TRIM50: variants seen among roughly 807,000 people sequenced by gnomAD.
TRIM50 encodes tripartite motif containing 50.
A neutral mutation model predicts 44.9 loss-of-function variants in TRIM50; 34 were observed. The ratio of observed to expected loss-of-function variants is 0.76; its 90% CI spans 0.58 to 1.01. TRIM50 has a LOEUF of 1.01. TRIM50 is among the 50% of genes least tolerant of loss of function. The pLI, the probability that TRIM50 is intolerant of heterozygous loss-of-function variation, is 0.00. For synonymous variants in TRIM50, 307 were observed against 291.1 expected, an observed-to-expected ratio of 1.05 and a Z score of -0.56; for missense variants, 633 against 663.7, an observed-to-expected ratio of 0.95 and a Z score of 0.51.
Position 73,318,970 on chromosome 7 carries a change from C to G in TRIM50, c.578G>C (p.Cys193Ser), listed in dbSNP as rs1804428015. The part of the protein sequence containing the change: ...HHLVDEEKAR[C>S]LEGIGGHTRG... ...GGTGTGACCCCCTATCCCCTCCAGG[C>G]AGCGGGCCTTCTCCTCATCCACCAG... The change falls in exon 4 of 7, where the codon TGC becomes TCC. Residue 193 changes from cysteine (C) to serine (S), a missense_variant. Coordinates refer to ENST00000333149, the MANE Select transcript of TRIM50 (RefSeq NM_178125.3). The G allele has an allele frequency of 1.2e-6, 2 of 1,613,914 alleles. No individual in the cohort carries two copies. Among genetic ancestry groups the G allele is most frequent in the East Asian group, 2.2e-5 (1 of 44,900 alleles).
Position 73,313,632 on chromosome 7 carries a change from GC to G in TRIM50, c.875-123del. The G allele has an allele frequency of 1.2e-6, 1 of 802,986 alleles. No homozygotes were observed. The highest frequency in any genetic ancestry group is 1.9e-5 in the South Asian group (1 of 53,928). 49.7% of individuals were successfully genotyped at this position (802,986 alleles called of 1,614,324 possible). On this transcript the variant is annotated intron_variant, in intron 6 of 6. Transcript: ENST00000333149. This position sits in a 1 kb window ranked among gnomAD's most constrained non-coding sequence, Gnocchi z 4.9. ...GGGCTGTGTCTTCCTCATCTCTCTA[GC>G]CCCAGGGTCTAGAAGGGGCCAGTAC...
Position 73,324,510 on chromosome 7 carries a change from C to T in TRIM50, c.278G>A (p.Arg93Gln), listed in dbSNP as rs138667864. 37 of 1,613,914 alleles carry T rather than the reference C, an allele frequency of 2.3e-5. No individual in the cohort carries two copies. The East Asian group carries it at 3.3e-4, about 15-fold the overall frequency. The change falls in exon 2 of 7, where the codon CGG (arginine) becomes CAG (glutamine). Residue 93 changes from arginine (R) to glutamine (Q), a missense_variant. Coordinates refer to ENST00000333149, the MANE Select transcript of TRIM50 (RefSeq NM_178125.3). ...CTCGCAGAAAAGGCTGAGCGGGTTC[C>T]GGTGGTGCACGCAGACCTTGGGCTC... ...DPEPKVCVHH[R>Q]NPLSLFCEKD...
Position 73,319,019 on chromosome 7 carries a change from G to C in TRIM50, c.529C>G (p.Arg177Gly). 6.2e-7 allele frequency: 1 copy of C among 1,613,978 alleles called. No individual in the cohort carries two copies. The highest frequency in any genetic ancestry group is 8.5e-7 in the Non-Finnish European group (1 of 1,179,864). The change falls in exon 4 of 7, where the codon CGC becomes GGC. Residue 177 changes from arginine (R) to glycine (G), a missense_variant. Arg to Gly is a moderately radical substitution (Grantham distance 125). Coordinates refer to ENST00000333149, the MANE Select transcript of TRIM50 (RefSeq NM_178125.3). ...ESDVFSWVIR[R>G]EFQELHHLVD... ...AGGTGGTGCAGCTCCTGGAACTCGCGGCGGATCACCCAGCTGAAGACATCC... is the reference window on the plus strand; with the variant it reads ...AGGTGGTGCAGCTCCTGGAACTCGCCGCGGATCACCCAGCTGAAGACATCC...
intron 5 of TRIM50, 87 bp downstream of exon 5, chr7:73,318,600 G>A: frequency 1.9e-6 from 3 of 1,611,510 alleles, no homozygotes; most frequent in Non-Finnish European, 2.5e-6. Context: ...GGAGGCGCTG[G>A]TTAAACCGAA....
At chr7:73,320,022 G>C (rs551721944) in intron 3 of TRIM50, 125 bp downstream of exon 3, 177 of 1,527,982 alleles carry the variant, frequency 1.2e-4, no homozygotes, top group Non-Finnish European at 1.5e-4. Flanking sequence ...CCCGCCCTGG[G>C]AATGCTTTGA....
At chr7:73,315,312 T>A (rs1804330359) in intron 6 of TRIM50, 1 of 151,168 alleles carries the variant, frequency 6.6e-6, no homozygotes. Context: ...GATTCACAGT[T>A]CACAAACTGC....
chr7:73,316,533 C>T (rs1804362387), intron 6 of TRIM50, 32 bp downstream of exon 6: 1 of 1,612,398 alleles, frequency 6.2e-7, no homozygotes, highest in East Asian at 2.2e-5. Context: ...TGGGCGGCAG[C>T]CCTCAGGAAG....
intron 6 of TRIM50, chr7:73,314,853 A>G (rs1462322222): frequency 1.0e-5 from 2 of 195,292 alleles, no homozygotes; most frequent in African/African-American, 2.4e-5. Flanking sequence ...CTCAAAAAAA[A>G]AAAAAAAAAA....
chr7:73,318,271 G>A (rs1281499115), intron 5 of TRIM50, among the ~76,000 whole-genome samples: 5 of 152,136 alleles, frequency 3.3e-5, no homozygotes, highest in African/African-American at 1.2e-4. Context: ...GGGGACTATA[G>A]GCACATGACA....
chr7:73,325,899 GT>G (rs1352363774), intron 1 of TRIM50, among the ~76,000 whole-genome samples: 1 of 146,034 alleles, frequency 6.8e-6, no homozygotes, highest in Non-Finnish European at 1.5e-5. Flanking sequence ...GGGCTGGGGG[GT>G]GGGGAAAGAC....
At position 73,313,841 on chromosome 7, in the gene TRIM50, C is replaced by T. The variant is rs1261962546; in HGVS notation, c.875-331G>A. ...GCTGGAGAAAGAAATGGACACTGGG[C>T]TCGGGGTTCTGGCCTGCCTGCCTGA... On this transcript the variant is annotated intron_variant, in intron 6 of 6. Transcript: ENST00000333149. This position sits in a 1 kb window ranked among gnomAD's most constrained non-coding sequence, Gnocchi z 4.9. Among the ~76,000 whole-genome samples the T allele has an allele frequency of 6.6e-6, 1 of 152,112 alleles. No individual in the cohort carries two copies. The highest frequency in any genetic ancestry group is 6.6e-5 in the Admixed American group (1 of 15,266).
chr7:73,313,685 A>AATGC lies in TRIM50; in HGVS notation c.875-176_875-175insGCAT, dbSNP rs1198039569. ...GGGCTGCTCCCTGAATGAATGAATG[A>AATGC]ATGAATGAATGAATGAATGAATGAA... On this transcript the variant is annotated intron_variant, in intron 6 of 6. Transcript: ENST00000333149. The surrounding 1 kb of genome is among the most constrained non-coding windows in gnomAD (Gnocchi z 4.9). Among the ~76,000 whole-genome samples, 78 of 152,142 alleles carry AATGC rather than the reference A, an allele frequency of 5.1e-4. No individual in the cohort carries two copies. The highest frequency in any genetic ancestry group is 1.8e-3 in the African/African-American group (74 of 41,526).
intron 6 of TRIM50, among the ~76,000 whole-genome samples, chr7:73,315,738 C>G (rs560031055): frequency 1.2e-4 from 18 of 152,224 alleles, no homozygotes; most frequent in African/African-American, 4.1e-4. Flanking sequence ...AGACAGCATG[C>G]TAGTAATAAA....
chr7:73,324,956 C>T (rs1804590185), intron 1 of TRIM50, among the ~76,000 whole-genome samples, 151 bp from the exon 2 acceptor site: 1 of 151,996 alleles, frequency 6.6e-6, no homozygotes, highest in Non-Finnish European at 1.5e-5. Context: ...CCTTGGGCCC[C>T]AGTTTCCGCA....
Position 73,313,013 on chromosome 7 carries a change from A to C in TRIM50, c.1372T>G (p.Trp458Gly). The change falls in exon 7 of 7, where the codon TGG becomes GGG. Residue 458 changes from tryptophan to glycine, a missense_variant. By Grantham distance (184) the Trp-to-Gly change is radical. Transcript: ENST00000333149. This position sits in a 1 kb window ranked among gnomAD's most constrained non-coding sequence, Gnocchi z 4.9. ...AGCGAGTTGCTGCCCCTCTCGTGCC[A>C]GCAGGTGTCCAGGATGGGGTAGAGC... ...GKLYPILDTC[W>G]HERGSNSLPM... 6.4e-7 allele frequency: 1 copy of C among 1,558,132 alleles called. No homozygotes were observed. Among genetic ancestry groups the C allele is most frequent in the South Asian group, 1.2e-5 (1 of 84,570 alleles).
At chr7:73,326,732 T>G (rs536029083) in intron 1 of TRIM50, among the ~76,000 whole-genome samples, 53 of 148,434 alleles carry the variant, frequency 3.6e-4, no homozygotes, top group African/African-American at 6.4e-4. Context: ...GAATTGTGAG[T>G]TTTTTTTTTA....
In TRIM50 at chr7:73,313,543, C is replaced by A. The variant is rs1365194159; in HGVS notation, c.875-33G>T. 1.6e-5 allele frequency: 23 copies of A among 1,453,198 alleles called. No individual in the cohort carries two copies. The highest frequency in any genetic ancestry group is 1.9e-5 in the Non-Finnish European group (21 of 1,102,292). 90.0% of individuals were successfully genotyped at this position (1,453,198 alleles called of 1,614,324 possible). A position where few individuals can be genotyped will look rare whatever the true frequency, so the allele number is the denominator to read the frequency against. The stretch of plus-strand genomic sequence containing the variant: ...GGAGATCACAGAGGGTCTGTGAGGC[C>A]ACGTGGAGGGCAGCAGACCCGGCCC... On this transcript the variant is annotated intron_variant, in intron 6 of 6. Transcript: ENST00000333149. The surrounding 1 kb of genome is among the most constrained non-coding windows in gnomAD (Gnocchi z 4.9).
At position 73,318,824 on chromosome 7, in the gene TRIM50, G is replaced by A. The variant is rs148060392; in HGVS notation, c.724C>T (p.Arg242Trp). Residue 242 changes from arginine to tryptophan, a missense_variant and splice_region_variant, in exon 4 of 7, where the codon CGG becomes TGG. By Grantham distance (101) the Arg-to-Trp change is moderately radical (BLOSUM62 -3). Transcript: ENST00000333149. ...FGNEDHHKFI[R>W]KFHSMASRAE... ...GGGACGCCTCCCTGTCCACTCACCC[G>A]GATGAACTTGTGGTGGTCCTCATTG... is the stretch of plus-strand genomic sequence containing the variant. 1.4e-4 allele frequency: 224 copies of A among 1,613,832 alleles called. 2 individuals are homozygous for A. Among genetic ancestry groups the A allele is most frequent in the African/African-American group, 8.7e-4 (65 of 74,998 alleles).
rs1376035586 is a variant in TRIM50, at chr7:73,316,599, G to A, written c.840C>T (p.Thr280=). The A allele has an allele frequency of 3.0e-5, 48 of 1,614,098 alleles. No homozygotes were observed. Among genetic ancestry groups the A allele is most frequent in the Admixed American group, 5.0e-5 (3 of 60,000 alleles). The part of the protein sequence containing the change: ...PGLHQADIKL[T]VWKRLFRKVL... Reference sequence around the variant, plus strand: ...CTTTCCGGAAGAGCCTTTTCCACACGGTCAGCTTGATGTCAGCCTGGTGGA... The same window carrying A: ...CTTTCCGGAAGAGCCTTTTCCACACAGTCAGCTTGATGTCAGCCTGGTGGA... Residue 280 remains threonine (T), a synonymous_variant, in exon 6 of 7, where the codon ACC becomes ACT. Transcript: ENST00000333149.
Sources: gnomAD v4.1 joint callset for allele counts (sites outside exome capture counted in the v4.1 genomes callset) on GRCh38, gnomAD v4.1.1 for gene constraint, Gnocchi (gnomAD v3.1) non-coding constraint, MANE v1.5 for transcripts, NCBI Gene and HGNC (gene_info 2026-07-23, HGNC 2026-07-21) for gene names.